Variants in TXLNB observed in about 807,000 individuals in gnomAD.
TXLNB encodes taxilin beta.
Under a neutral mutation model 57.4 loss-of-function variants are expected in TXLNB, and 37 were observed. The ratio of observed to expected loss-of-function variants is 0.64; its 90% CI spans 0.50 to 0.85. The LOEUF (loss-of-function observed/expected upper bound fraction) is 0.85, where lower values mean the gene tolerates loss of function less well. Among genes scored for constraint, TXLNB ranks in the 40% least tolerant of loss-of-function variants. TXLNB has a pLI of 0.00. For synonymous variants in TXLNB, 302 were observed against 309.6 expected, an observed-to-expected ratio of 0.98 and a Z score of 0.26; for missense variants, 848 against 825.6, an observed-to-expected ratio of 1.03 and a Z score of -0.33.
chr6:139,179,399 AGTGTAGT>A, the TXLNB span: 1 of 152,218 alleles, frequency 6.6e-6, no homozygotes, highest in Non-Finnish European at 1.5e-5. Context: ...AACTGCCGTC[AGTGTAGT>A]GTATGCTGTG....
At chr6:139,301,612 C>T in the TXLNB span, among the ~76,000 whole-genome samples, 1 of 152,142 alleles carries the variant, frequency 6.6e-6, no homozygotes, top group South Asian at 2.1e-4. Context: ...ACCTGAGATA[C>T]AATGGGTTTG....
chr6:139,258,780 A>G (rs1776408115), intron 6 of TXLNB, among the ~76,000 whole-genome samples: 1 of 152,182 alleles, frequency 6.6e-6, no homozygotes, highest in South Asian at 2.1e-4. Flanking sequence ...CACACGTCTG[A>G]GTGTGATGCA....
chr6:139,264,859 C>A (rs1776575223), intron 4 of TXLNB, among the ~76,000 whole-genome samples: 1 of 152,082 alleles, frequency 6.6e-6, no homozygotes, highest in African/African-American at 2.4e-5. Context: ...CTGCCCCCGG[C>A]CTATATTGTT....
the TXLNB span, among the ~76,000 whole-genome samples, chr6:139,209,216 C>T: frequency 6.6e-6 from 1 of 151,828 alleles, no homozygotes; most frequent in Non-Finnish European, 1.5e-5. Flanking sequence ...AACAAACAAA[C>T]AAAAACTTAG....
intron 3 of TXLNB, chr6:139,271,679 C>A (rs915078369): frequency 6.6e-6 from 1 of 152,012 alleles, no homozygotes; most frequent in African/African-American, 2.4e-5. Context: ...GAGTTGTAGA[C>A]CTGGTGTGGG....
chr6:139,245,591 C>G (rs942578695), intron 8 of TXLNB: 5 of 152,146 alleles, frequency 3.3e-5, no homozygotes, highest in Non-Finnish European at 5.9e-5. Context: ...CCACGGAGGC[C>G]AGAGGCTGGG....
chr6:139,228,334 G>A, the TXLNB span, among the ~76,000 whole-genome samples: 1 of 152,144 alleles, frequency 6.6e-6, no homozygotes, highest in Admixed American at 6.5e-5. Flanking sequence ...TGGCCAGCCT[G>A]GCCAACATAG....
At chr6:139,178,902 T>A in the TXLNB span, 1 of 152,222 alleles carries the variant, frequency 6.6e-6, no homozygotes, top group Non-Finnish European at 1.5e-5. Context: ...AAGTATTTGA[T>A]GTTTTGTTTG....
chr6:139,171,554 TTGTAGTA>T, the TXLNB span, among the ~76,000 whole-genome samples: 2 of 152,364 alleles, frequency 1.3e-5, no homozygotes, highest in Non-Finnish European at 2.9e-5. Flanking sequence ...GCCGTCTTAT[TTGTAGTA>T]AGAAAATGTA....
the TXLNB span, among the ~76,000 whole-genome samples, chr6:139,322,823 C>T: frequency 6.6e-6 from 1 of 152,168 alleles, no homozygotes; most frequent in Non-Finnish European, 1.5e-5. Flanking sequence ...GTACATTTTA[C>T]TTATTTGCTG....
At chr6:139,313,844 G>A in the TXLNB span, among the ~76,000 whole-genome samples, 3 of 152,078 alleles carry the variant, frequency 2.0e-5, no homozygotes, top group African/African-American at 4.8e-5. Context: ...TCCCAGCCAA[G>A]GGCATTCCAA....
the TXLNB span, among the ~76,000 whole-genome samples, chr6:139,323,065 G>A: frequency 2.0e-5 from 3 of 152,064 alleles, no homozygotes; most frequent in African/African-American, 7.2e-5. Context: ...TCTGTGAACT[G>A]ACTAGGAATA....
the TXLNB span, chr6:139,178,906 T>A: frequency 2.0e-5 from 3 of 152,200 alleles, no homozygotes; most frequent in Admixed American, 2.0e-4. Context: ...ATTTGATGTT[T>A]TGTTTGAAAC....
chr6:139,254,437 G>A (rs998311667), intron 7 of TXLNB, among the ~76,000 whole-genome samples: 2 of 151,920 alleles, frequency 1.3e-5, no homozygotes, highest in Non-Finnish European at 2.9e-5. Context: ...CCTTGCCTTC[G>A]GTGAATTTCT....
chr6:139,206,485 G>A, the TXLNB span, among the ~76,000 whole-genome samples: 3 of 152,054 alleles, frequency 2.0e-5, no homozygotes, highest in African/African-American at 7.2e-5. Flanking sequence ...TAGCTAACAT[G>A]GTGAAACCCC....
At chr6:139,277,251 T>A (rs1583021687) in intron 2 of TXLNB, 1 of 189,382 alleles carries the variant, frequency 5.3e-6, no homozygotes, top group Admixed American at 6.1e-5. Flanking sequence ...ATTTTATACA[T>A]CAAAAATACT....
chr6:139,211,359 C>T, the TXLNB span, among the ~76,000 whole-genome samples: 2 of 152,204 alleles, frequency 1.3e-5, no homozygotes, highest in South Asian at 4.1e-4. Flanking sequence ...TGCTGATACC[C>T]AGGCAAACAG....
At chr6:139,175,767 A>G in the TXLNB span, among the ~76,000 whole-genome samples, 1 of 152,214 alleles carries the variant, frequency 6.6e-6, no homozygotes, top group South Asian at 2.1e-4. Context: ...CACCATTGAA[A>G]GGCAATGAGA....
chr6:139,220,740 T>C, the TXLNB span, among the ~76,000 whole-genome samples: 1 of 152,202 alleles, frequency 6.6e-6, no homozygotes, highest in Non-Finnish European at 1.5e-5. Context: ...TGGTTGACCT[T>C]TAATATTTGC....
Sources: allele counts gnomAD v4.1 joint callset (sites outside exome capture counted in the v4.1 genomes callset), GRCh38; gene constraint gnomAD v4.1.1; transcripts MANE v1.5; gene names NCBI Gene and HGNC (gene_info 2026-07-23, HGNC 2026-07-21).